Variants in SAMD4A observed in about 807,000 individuals in gnomAD.
SAMD4A encodes the protein protein Smaug homolog 1.
In SAMD4A, 33 loss-of-function variants were observed where a neutral mutation model predicts 81.3. The ratio of observed to expected loss-of-function variants is 0.41; its 90% CI spans 0.31 to 0.54. The LOEUF is 0.54. Among genes scored for constraint, SAMD4A ranks in the 20% least tolerant of loss-of-function variants. The pLI is 0.37. For synonymous variants in SAMD4A, 389 were observed against 382.1 expected (o/e 1.02, Z -0.21); for missense variants, 854 against 951.1 (o/e 0.90, Z 1.34).
intron 11 of SAMD4A, 130 bp downstream of exon 11, chr14:54,776,670 CT>C (rs1566634880): frequency 1.8e-6 from 2 of 1,118,634 alleles, no homozygotes; most frequent in South Asian, 2.4e-5. Context: ...GAAGCCTTTC[CT>C]TTTTTAAACT....
intron 3 of SAMD4A, among the ~76,000 whole-genome samples, chr14:54,723,592 T>G (rs1451183520): frequency 2.0e-5 from 3 of 152,206 alleles, no homozygotes; most frequent in Admixed American, 6.5e-5. Flanking sequence ...GACCTAAAAT[T>G]TTTACATCCT....
At chr14:54,781,452 A>AAGAT (rs1402616487) in intron 11 of SAMD4A, among the ~76,000 whole-genome samples, 1 of 152,250 alleles carries the variant, frequency 6.6e-6, no homozygotes, top group East Asian at 1.9e-4. Flanking sequence ...GACTTCTGAA[A>AAGAT]AGATACAATT....
chr14:54,720,401 T>G (rs998449988), intron 3 of SAMD4A, among the ~76,000 whole-genome samples: 3 of 152,208 alleles, frequency 2.0e-5, no homozygotes, highest in Non-Finnish European at 2.9e-5. Flanking sequence ...ACTTTCCTTT[T>G]ATTTAAGAGG....
At chr14:54,777,716 C>T (rs191872338) in intron 11 of SAMD4A, among the ~76,000 whole-genome samples, 12 of 152,040 alleles carry the variant, frequency 7.9e-5, no homozygotes, top group African/African-American at 2.4e-4. Context: ...AGGAGGAGGA[C>T]GCTGGAGGAC....
At chr14:54,786,195 G>C (rs2039135990) in intron 12 of SAMD4A, among the ~76,000 whole-genome samples, 1 of 152,230 alleles carries the variant, frequency 6.6e-6, no homozygotes, top group African/African-American at 2.4e-5. Flanking sequence ...ATGCGATGCA[G>C]TGGATGAATC....
chr14:54,621,641 C>T (rs1273574843), intron 2 of SAMD4A, among the ~76,000 whole-genome samples: 2 of 20,980 alleles, frequency 9.5e-5, no homozygotes, highest in East Asian at 1.4e-3. Context: ...GGATTATAGC[C>T]GTGAGCCACT....
chr14:54,734,036 A>G (rs1249756074), intron 3 of SAMD4A, among the ~76,000 whole-genome samples: 1 of 152,124 alleles, frequency 6.6e-6, no homozygotes, highest in East Asian at 1.9e-4. Context: ...CTGTCACTTT[A>G]TGCCAAACAA....
intron 2 of SAMD4A, among the ~76,000 whole-genome samples, chr14:54,665,895 C>G (rs188621986): frequency 6.6e-6 from 1 of 152,116 alleles, no homozygotes; most frequent in African/African-American, 2.4e-5. Context: ...ATTTTCCTTA[C>G]GTTTAGCAAT....
At chr14:54,669,665 C>T (rs1425203143) in intron 2 of SAMD4A, among the ~76,000 whole-genome samples, 1 of 152,142 alleles carries the variant, frequency 6.6e-6, no homozygotes, top group East Asian at 1.9e-4. Context: ...TGGTTTTTAA[C>T]TAGGCCCCCA....
chr14:54,781,845 A>G (rs926747198), intron 11 of SAMD4A, among the ~76,000 whole-genome samples: 6 of 152,112 alleles, frequency 3.9e-5, no homozygotes, highest in Non-Finnish European at 8.8e-5. Flanking sequence ...TTTCCACCCA[A>G]CTGGTCTTTC....
Position 54,690,770 on chromosome 14 carries a change from A to T in SAMD4A, c.197-11292A>T, listed in dbSNP as rs186014309. Reference sequence around the variant, plus strand: ...TCCAAAGGTGATGGTATGAAGCTAGATTCAAACAACACAGTAGGCCAGTGC... The same window carrying T: ...TCCAAAGGTGATGGTATGAAGCTAGTTTCAAACAACACAGTAGGCCAGTGC... On this transcript the variant is annotated intron_variant, in intron 2 of 12. Coordinates refer to ENST00000554335, the MANE Select transcript of SAMD4A (RefSeq NM_015589.6). 9.5e-4 allele frequency among the ~76,000 whole-genome samples: 144 copies of T among 152,178 alleles called. 2 individuals carry two copies. The highest frequency in any genetic ancestry group is 9.2e-3 in the Admixed American group (140 of 15,298).
At chr14:54,635,741 CA>C (rs1330720546) in intron 2 of SAMD4A, among the ~76,000 whole-genome samples, 143 of 125,856 alleles carry the variant, frequency 1.1e-3, no homozygotes, top group Admixed American at 8.9e-4. Context: ...GACTCCATCT[CA>C]AAAAAAAAAA....
rs376066137 is a variant in SAMD4A at position 54,608,937 on chromosome 14, TAAC to T, written c.196+40828_196+40830del. ...CTTTTGAGATGATGTTAAAGTCACT[TAAC>T]AAGAATAAGTAAAAGGCGCTTTTCA... is the stretch of plus-strand genomic sequence containing the variant. On this transcript the variant is annotated intron_variant, in intron 2 of 12. Coordinates refer to ENST00000554335, the MANE Select transcript of SAMD4A (RefSeq NM_015589.6). Among the ~76,000 whole-genome samples, 120 of 152,330 alleles carry T rather than the reference TAAC, an allele frequency of 7.9e-4. 1 individual carries two copies. The South Asian group carries it at 0.013, about 17-fold the overall frequency.
chr14:54,669,779 T>A (rs965364234), intron 2 of SAMD4A, among the ~76,000 whole-genome samples: 26 of 152,208 alleles, frequency 1.7e-4, no homozygotes, highest in African/African-American at 6.0e-4. Flanking sequence ...TAAAGAAAGT[T>A]GTCTGTCGCT....
chr14:54,616,297 T>C (rs1566549243), intron 2 of SAMD4A, among the ~76,000 whole-genome samples: 1 of 152,272 alleles, frequency 6.6e-6, no homozygotes, highest in East Asian at 1.9e-4. Flanking sequence ...ACTATTGAAT[T>C]ATGGGACAAT....
At chr14:54,619,312 G>C (rs1011852580) in intron 2 of SAMD4A, among the ~76,000 whole-genome samples, 8 of 151,904 alleles carry the variant, frequency 5.3e-5, no homozygotes, top group African/African-American at 1.9e-4. Flanking sequence ...TTAATCCCTC[G>C]GGGTAGGAGG....
chr14:54,786,049 T>C (rs2039132280), intron 12 of SAMD4A, among the ~76,000 whole-genome samples: 1 of 152,360 alleles, frequency 6.6e-6, no homozygotes, highest in Admixed American at 6.5e-5. Context: ...TAGAGGAGAC[T>C]GGGTCAGCAG....
In SAMD4A at chr14:54,727,166, C is replaced by CTTTTTTTTT. The variant is rs567831973; in HGVS notation, c.716-9825_716-9817dup. Among the ~76,000 whole-genome samples, 318 of 59,192 alleles carry CTTTTTTTTT rather than the reference C, an allele frequency of 5.4e-3. 87 individuals are homozygous for CTTTTTTTTT. Among genetic ancestry groups the CTTTTTTTTT allele is most frequent in the Non-Finnish European group, 8.2e-3 (244 of 29,782 alleles). 38.8% of individuals were successfully genotyped at this position (59,192 alleles called of 152,430 possible). ...TTATCACAACAGCCTTCTTTTTTTC[C>CTTTTTTTTT]TTTTTTTTTTTTTTTTTTTTTTTTT... On this transcript the variant is annotated intron_variant, in intron 3 of 12. Coordinates refer to ENST00000554335, the MANE Select transcript of SAMD4A (RefSeq NM_015589.6).
At chr14:54,646,405 C>T (rs948773399) in intron 2 of SAMD4A, among the ~76,000 whole-genome samples, 1 of 152,220 alleles carries the variant, frequency 6.6e-6, no homozygotes, top group Non-Finnish European at 1.5e-5. Flanking sequence ...AGGAATTGTT[C>T]AAACACATTG....
Sources: allele counts gnomAD v4.1 joint callset (sites outside exome capture counted in the v4.1 genomes callset), GRCh38; gene constraint gnomAD v4.1.1; transcripts MANE v1.5; gene names NCBI Gene and HGNC (gene_info 2026-07-23, HGNC 2026-07-21).